The following WDR7 variants were observed in gnomAD, a reference collection of about 807,000 sequenced individuals.
WDR7 encodes the protein WD repeat domain 7.
In WDR7, 46 loss-of-function variants were observed where a neutral mutation model predicts 169.4. The observed-to-expected ratio is 0.27, with a 90% CI of 0.21 to 0.35. The LOEUF (loss-of-function observed/expected upper bound fraction) is 0.35, where lower values mean the gene tolerates loss of function less well. WDR7 is among the 10% of genes least tolerant of loss of function. WDR7 has a pLI of 1.00. For missense variants in WDR7, 1,534 were observed against 1,859.3 expected, an observed-to-expected ratio of 0.83 and a Z score of 3.22; for synonymous variants, 612 against 666.8, an observed-to-expected ratio of 0.92 and a Z score of 1.27.
intron 26 of WDR7, among the ~76,000 whole-genome samples, chr18:57,016,364 C>G (rs2048207848): frequency 6.6e-6 from 1 of 152,096 alleles, no homozygotes; most frequent in Non-Finnish European, 1.5e-5. Flanking sequence ...GGAAATCTTA[C>G]CTACTTTTGG....
intron 21 of WDR7, among the ~76,000 whole-genome samples, chr18:56,888,611 A>G (rs2046227633): frequency 6.6e-6 from 1 of 152,134 alleles, no homozygotes; most frequent in Non-Finnish European, 1.5e-5. Context: ...CAACCCACAA[A>G]TGAGGCATTA....
chr18:56,774,198 G>T (rs371152918), intron 16 of WDR7, among the ~76,000 whole-genome samples: 2 of 152,046 alleles, frequency 1.3e-5, no homozygotes, highest in Non-Finnish European at 2.9e-5. Flanking sequence ...CACAATAGGA[G>T]TAGTTTAGAA....
intron 11 of WDR7, among the ~76,000 whole-genome samples, chr18:56,695,780 C>G (rs1220827496): frequency 6.6e-6 from 1 of 152,158 alleles, no homozygotes; most frequent in Admixed American, 6.5e-5. Context: ...AGTGATCTGC[C>G]TGCCTCGGCC....
chr18:56,851,211 C>T (rs1318983025), intron 20 of WDR7, among the ~76,000 whole-genome samples: 2 of 151,772 alleles, frequency 1.3e-5, no homozygotes, highest in African/African-American at 4.8e-5. Context: ...ATGATATGAC[C>T]CTCTGGCTTC....
rs1435785047 is a variant in WDR7, at chr18:56,822,193, C to CA, written c.3304+6050dup. ...CATATTCGTTCTTTAAATTTTCAAA[C>CA]ATTATTTAGGACTGTTGTAACATAA... On this transcript the variant is annotated intron_variant, in intron 20 of 27. Coordinates refer to ENST00000254442, the MANE Select transcript of WDR7 (RefSeq NM_015285.3). Among the ~76,000 whole-genome samples the CA allele has an allele frequency of 1.9e-4, 29 of 152,268 alleles. No individual in the cohort carries two copies. In the East Asian group the frequency reaches 5.0e-3, roughly 26 times the overall value.
intron 21 of WDR7, among the ~76,000 whole-genome samples, chr18:56,902,747 T>A (rs1599143204): frequency 6.6e-6 from 1 of 152,120 alleles, no homozygotes; most frequent in Admixed American, 6.6e-5. Context: ...AGAGCTCAAA[T>A]TAACAACTGG....
chr18:56,692,059 C>T (rs1271894963), intron 9 of WDR7, among the ~76,000 whole-genome samples: 5 of 152,032 alleles, frequency 3.3e-5, no homozygotes, highest in Admixed American at 6.6e-5. Flanking sequence ...ATGCTAATTG[C>T]GTATTGAAAT....
chr18:56,683,948 A>G (rs2025397744), intron 5 of WDR7, among the ~76,000 whole-genome samples: 1 of 152,202 alleles, frequency 6.6e-6, no homozygotes, highest in Non-Finnish European at 1.5e-5. Flanking sequence ...CTAGTAAAGG[A>G]CAATGATATA....
intron 5 of WDR7, among the ~76,000 whole-genome samples, chr18:56,684,335 T>C (rs72917830): frequency 0.033 from 5,098 of 152,238 alleles, 129 homozygotes; most frequent in Non-Finnish European, 0.048. Context: ...GTCAAACTTA[T>C]ACTGTAAAGG....
At chr18:56,980,533 G>A (rs1290565215) in intron 26 of WDR7, among the ~76,000 whole-genome samples, 2 of 152,178 alleles carry the variant, frequency 1.3e-5, no homozygotes, top group East Asian at 3.9e-4. Context: ...CTACCTTCAT[G>A]GAGCTTGCAG....
chr18:56,670,211 A>G (rs1228547414), intron 1 of WDR7, among the ~76,000 whole-genome samples: 1 of 152,160 alleles, frequency 6.6e-6, no homozygotes, highest in African/African-American at 2.4e-5. Context: ...ATACTATTCT[A>G]TCATCATAAG....
chr18:57,036,325 A>T, the WDR7 span: 1 of 152,320 alleles, frequency 6.6e-6, no homozygotes, highest in South Asian at 2.1e-4. Flanking sequence ...CTGCTACAGG[A>T]ATTGCTTGAG....
intron 1 of WDR7, among the ~76,000 whole-genome samples, chr18:56,658,629 T>C (rs537895305): frequency 2.0e-5 from 3 of 152,336 alleles, no homozygotes; most frequent in South Asian, 4.1e-4. Flanking sequence ...GCTCTTCTTT[T>C]TTCTAAATGT....
At chr18:56,875,005 T>C (rs567241081) in intron 20 of WDR7, among the ~76,000 whole-genome samples, 2 of 152,210 alleles carry the variant, frequency 1.3e-5, no homozygotes, top group Non-Finnish European at 2.9e-5. Flanking sequence ...TAATATCCTA[T>C]AATTTCCATT....
intron 26 of WDR7, among the ~76,000 whole-genome samples, chr18:56,971,046 C>T (rs537224158): frequency 6.6e-6 from 1 of 152,154 alleles, no homozygotes; most frequent in South Asian, 2.1e-4. Context: ...CCAAGGCAGG[C>T]GGATCACCTG....
chr18:56,658,300 C>T (rs1041725221), intron 1 of WDR7, among the ~76,000 whole-genome samples: 3 of 152,074 alleles, frequency 2.0e-5, no homozygotes, highest in African/African-American at 4.8e-5. Flanking sequence ...GACAGGGTTT[C>T]ACCATGTTGG....
chr18:56,724,047 T>C (rs2026381897), intron 13 of WDR7, among the ~76,000 whole-genome samples: 1 of 151,990 alleles, frequency 6.6e-6, no homozygotes, highest in African/African-American at 2.4e-5. Flanking sequence ...ATATCTTCTA[T>C]TTCTCTATGC....
intron 12 of WDR7, among the ~76,000 whole-genome samples, chr18:56,708,711 G>A (rs913171125): frequency 5.3e-5 from 8 of 152,096 alleles, no homozygotes; most frequent in Non-Finnish European, 1.0e-4. Context: ...AAGACAGGTG[G>A]ATCACCTGAG....
intron 13 of WDR7, among the ~76,000 whole-genome samples, chr18:56,723,967 TC>T (rs915962935): frequency 6.6e-6 from 1 of 151,888 alleles, no homozygotes; most frequent in African/African-American, 2.4e-5. Context: ...ATCTAATTGT[TC>T]CCATCTAGTA....
Sources: allele counts gnomAD v4.1 joint callset (sites outside exome capture counted in the v4.1 genomes callset), GRCh38; gene constraint gnomAD v4.1.1; transcripts MANE v1.5; gene names NCBI Gene and HGNC (gene_info 2026-07-23, HGNC 2026-07-21).